DTX4: variants seen among roughly 807,000 people sequenced by gnomAD.
DTX4 encodes the protein E3 ubiquitin-protein ligase DTX4.
Under a neutral mutation model 57.6 loss-of-function variants are expected in DTX4, and 28 were observed. That is an observed-to-expected ratio of 0.49 (90% CI 0.36 to 0.67). DTX4 has a LOEUF of 0.67. Among genes scored for constraint, DTX4 ranks in the 30% least tolerant of loss-of-function variants. The pLI is 0.00. For synonymous variants in DTX4, 316 were observed against 331.0 expected (o/e 0.95, Z 0.49); for missense variants, 715 against 836.8 (o/e 0.85, Z 1.80).
chr11:59,175,400 C>T (rs1053374266), intron 1 of DTX4, among the ~76,000 whole-genome samples: 1 of 152,200 alleles, frequency 6.6e-6, no homozygotes, highest in Non-Finnish European at 1.5e-5. Flanking sequence ...CTCCACTCGC[C>T]TGGGCTCCTG....
At chr11:59,192,274 C>G in intron 6 of DTX4, 24 bp downstream of exon 6, 2 of 1,610,350 alleles carry the variant, frequency 1.2e-6, no homozygotes, top group South Asian at 2.3e-5. Context: ...TATGGGGCTC[C>G]TGCCACCCTT....
intron 2 of DTX4, chr11:59,185,442 A>G (rs1425505847): frequency 6.6e-6 from 1 of 152,262 alleles, no homozygotes; most frequent in Non-Finnish European, 1.5e-5. Context: ...GAACAGGCCA[A>G]CTGAATGGGG....
At chr11:59,179,481 A>T (rs1862434227) in intron 1 of DTX4, among the ~76,000 whole-genome samples, 1 of 152,188 alleles carries the variant, frequency 6.6e-6, no homozygotes, top group African/African-American at 2.4e-5. Flanking sequence ...CTTTTCCAGT[A>T]CTACCTACAG....
Position 59,197,686 on chromosome 11 carries a change from G to A in DTX4, c.1537-1998G>A, listed in dbSNP as rs558523172. Among the ~76,000 whole-genome samples the A allele has an allele frequency of 5.3e-5, 8 of 152,286 alleles. 1 individual carries two copies. Among genetic ancestry groups the A allele is most frequent in the South Asian group, 4.1e-4 (2 of 4,826 alleles). ...AGTCCAGGCCTTAGGAATGGGGCTC[G>A]AACAAGGGAAGGCCGGGATAAGGAA... On this transcript the variant is annotated intron_variant, in intron 7 of 8. Transcript: ENST00000227451.
chr11:59,199,822 C>T, intron 8 of DTX4, 49 bp downstream of exon 8: 1 of 1,474,324 alleles, frequency 6.8e-7, no homozygotes, highest in Non-Finnish European at 9.3e-7. Flanking sequence ...ATAGATCGGG[C>T]AGTTTACTTC....
rs1181000585 is a variant in DTX4 at position 59,182,013 on chromosome 11, C to T, written c.486C>T (p.Pro162=). 5.0e-6 allele frequency: 8 copies of T among 1,613,816 alleles called. No homozygotes were observed. The highest frequency in any genetic ancestry group is 6.8e-6 in the Non-Finnish European group (8 of 1,179,812). Residue 162 remains proline, a synonymous_variant, in exon 2 of 9, where the codon CCC becomes CCT. Coordinates refer to ENST00000227451, the MANE Select transcript of DTX4 (RefSeq NM_015177.2). The stretch of plus-strand genomic sequence containing the variant: ...GCCGGCGCCTCGACCTCATCTACCC[C>T]ATGGTCACAGGGACCTTGCCTAAGG... ...RVRRRLDLIY[P]MVTGTLPKAQ...
intron 3 of DTX4, 57 bp from the exon 4 acceptor site, chr11:59,189,105 G>A: frequency 1.3e-6 from 2 of 1,594,158 alleles, no homozygotes; most frequent in Non-Finnish European, 8.6e-7. Flanking sequence ...GAGGAATTTG[G>A]GGAATGTTGA....
intron 8 of DTX4, among the ~76,000 whole-genome samples, chr11:59,200,534 A>G (rs1862728671): frequency 6.6e-6 from 1 of 152,216 alleles, no homozygotes; most frequent in Non-Finnish European, 1.5e-5. Context: ...CTGATCTGAC[A>G]ACACATTGAA....
chr11:59,190,985 A>G (rs1255473699), intron 4 of DTX4, 129 bp from the exon 5 acceptor site: 2 of 760,464 alleles, frequency 2.6e-6, no homozygotes, highest in East Asian at 2.7e-5. Context: ...CTTAAATTGC[A>G]GAAGGAATTC....
intron 8 of DTX4, among the ~76,000 whole-genome samples, chr11:59,202,548 A>C (rs190308711): frequency 5.9e-5 from 9 of 152,252 alleles, no homozygotes; most frequent in Admixed American, 3.9e-4. Context: ...TATGCCCCCA[A>C]ATCCTTCCCT....
rs145012145 is a variant in DTX4 at position 59,196,236 on chromosome 11, G to A, written c.1536+867G>A. 8.0e-4 allele frequency among the ~76,000 whole-genome samples: 122 copies of A among 152,358 alleles called. 2 individuals are homozygous for A. In the South Asian group the frequency reaches 0.017, roughly 21 times the overall value. ...AGACATTGGAGAAGCAATGAGCAAA[G>A]TAGACGCAATCCTTGCTCCTTGAAG... On this transcript the variant is annotated intron_variant, in intron 7 of 8. Transcript: ENST00000227451.
At chr11:59,187,205 C>T (rs1276387861) in intron 2 of DTX4, among the ~76,000 whole-genome samples, 2 of 152,204 alleles carry the variant, frequency 1.3e-5, no homozygotes, top group African/African-American at 2.4e-5. Context: ...ATAAGGATTA[C>T]GTAAACACAA....
At chr11:59,193,835 C>T (rs1034917576) in intron 6 of DTX4, among the ~76,000 whole-genome samples, 9 of 152,174 alleles carry the variant, frequency 5.9e-5, no homozygotes, top group Non-Finnish European at 1.0e-4. Context: ...TTGCTTTAAG[C>T]GAGTAGACTG....
rs1362519631 is a variant in DTX4, at chr11:59,207,017, T to A, written c.*2108T>A. 6.6e-6 allele frequency: 1 copy of A among 152,210 alleles called. No individual in the cohort carries two copies. The highest frequency in any genetic ancestry group is 1.5e-5 in the Non-Finnish European group (1 of 68,042). The allele number at this position is 152,210 out of a possible 1,614,324, so 9.4% of individuals were successfully genotyped here. ...CCTGCGGTGTTTAATATCACACCCA[T>A]GCCCTTTGTCAGGTTACCATGTACA... On this transcript the variant is annotated 3_prime_UTR_variant, in exon 9 of 9. Coordinates refer to ENST00000227451, the MANE Select transcript of DTX4 (RefSeq NM_015177.2).
intron 1 of DTX4, among the ~76,000 whole-genome samples, chr11:59,175,680 G>A (rs984238848): frequency 1.3e-5 from 2 of 152,154 alleles, no homozygotes; most frequent in African/African-American, 4.8e-5. Context: ...TGACTGGGTT[G>A]TCCTTTTTCT....
At chr11:59,203,318 C>G (rs1284198323) in intron 8 of DTX4, among the ~76,000 whole-genome samples, 1 of 152,184 alleles carries the variant, frequency 6.6e-6, no homozygotes, top group Non-Finnish European at 1.5e-5. Context: ...AACACAAACA[C>G]ATTGTACAGC....
rs568887735 is a variant in DTX4, at chr11:59,193,702, AAC to A, written c.1374+1456_1374+1457del. Among the ~76,000 whole-genome samples the A allele has an allele frequency of 6.6e-5, 10 of 152,308 alleles. No homozygotes were observed. The South Asian group carries it at 1.5e-3, about 22-fold the overall frequency. On this transcript the variant is annotated intron_variant, in intron 6 of 8. Transcript: ENST00000227451. ...TGAAGCATGTGTTTTTATTTTATCA[AAC>A]ACATGAGAGAAAAGGGCCCAAGAAG... is the stretch of plus-strand genomic sequence containing the variant.
chr11:59,192,300 A>T, intron 6 of DTX4, 50 bp downstream of exon 6: 1 of 1,608,506 alleles, frequency 6.2e-7, no homozygotes, highest in Non-Finnish European at 8.5e-7. Context: ...TGGGCTCTGG[A>T]GTAGCAAGAT....
chr11:59,175,894 ATT>A (rs143080310), intron 1 of DTX4, among the ~76,000 whole-genome samples: 4,229 of 137,856 alleles, frequency 0.031, 190 homozygotes, highest in African/African-American at 0.1. Flanking sequence ...GTCAGGCCTC[ATT>A]TTTTTTTTTT....
Sources: allele counts gnomAD v4.1 joint callset (sites outside exome capture counted in the v4.1 genomes callset), GRCh38; gene constraint gnomAD v4.1.1; transcripts MANE v1.5; gene names NCBI Gene and HGNC (gene_info 2026-07-23, HGNC 2026-07-21).